The following MARK3 variants were observed in gnomAD, a reference collection of about 807,000 sequenced individuals.
MARK3 encodes the protein MAP/microtubule affinity-regulating kinase 3.
A neutral mutation model predicts 90.1 loss-of-function variants in MARK3; 46 were observed. That is an observed-to-expected ratio of 0.51 (90% confidence interval 0.40 to 0.65). The LOEUF (loss-of-function observed/expected upper bound fraction) is 0.65. Ranked by LOEUF, MARK3 falls within the 30% of genes least tolerant of loss-of-function variation. The pLI, the probability that MARK3 is intolerant of heterozygous loss-of-function variation, is 0.00. For missense variants in MARK3, 818 were observed against 947.2 expected (o/e 0.86, Z 1.79); for synonymous variants, 321 against 332.6 (o/e 0.97, Z 0.38).
At chr14:103,457,881 C>T (rs1219584678) in intron 6 of MARK3, among the ~76,000 whole-genome samples, 2 of 152,148 alleles carry the variant, frequency 1.3e-5, no homozygotes, top group Non-Finnish European at 2.9e-5. Context: ...ATAACTTGCC[C>T]AGAATTGCCT....
Position 103,386,044 on chromosome 14 carries a change from C to T in MARK3, c.15C>T (p.Thr5=), listed in dbSNP as rs778402930. The part of the protein sequence containing the change: MSTR[T]PLPTVNERDT... ...AGTGCAGTAAAATGTCCACTAGGAC[C>T]CCATTGCCAACGGTGAATGAACGAG... Residue 5 remains threonine, a synonymous_variant, in exon 1 of 18, where the codon ACC becomes ACT. Coordinates refer to ENST00000429436, the MANE Select transcript of MARK3 (RefSeq NM_001128918.3). 1.4e-5 allele frequency: 23 copies of T among 1,613,998 alleles called. No individual in the cohort carries two copies. The highest frequency in any genetic ancestry group is 4.0e-5 in the African/African-American group (3 of 74,942).
intron 2 of MARK3, among the ~76,000 whole-genome samples, chr14:103,410,073 A>C (rs1387324375): frequency 6.6e-6 from 1 of 152,226 alleles, no homozygotes; most frequent in Non-Finnish European, 1.5e-5. Context: ...ATTTTCGTAC[A>C]TGCTTCTACA....
chr14:103,471,937 G>A (rs919215533), intron 12 of MARK3, among the ~76,000 whole-genome samples: 5 of 152,184 alleles, frequency 3.3e-5, no homozygotes, highest in African/African-American at 4.8e-5. Flanking sequence ...AGGGCTGGGC[G>A]CAGTGGCTCA....
At chr14:103,387,901 T>G (rs182088647) in intron 1 of MARK3, among the ~76,000 whole-genome samples, 8 of 152,152 alleles carry the variant, frequency 5.3e-5, no homozygotes, top group Non-Finnish European at 2.9e-5. Flanking sequence ...ATAGCAGATT[T>G]GTGATAATGA....
intron 3 of MARK3, among the ~76,000 whole-genome samples, chr14:103,441,830 TA>T (rs2092864601): frequency 7.3e-6 from 1 of 137,700 alleles, no homozygotes; most frequent in African/African-American, 2.7e-5. Flanking sequence ...CAGAAGTGGT[TA>T]TTCTGGTTCA....
chr14:103,454,885 TC>T (rs1387496071), intron 5 of MARK3, among the ~76,000 whole-genome samples: 1 of 152,206 alleles, frequency 6.6e-6, no homozygotes, highest in Non-Finnish European at 1.5e-5. Context: ...TGTCCTTCCA[TC>T]CAGCCACCTG....
intron 15 of MARK3, among the ~76,000 whole-genome samples, chr14:103,493,514 T>C (rs1365044578): frequency 6.6e-6 from 1 of 152,040 alleles, no homozygotes; most frequent in East Asian, 1.9e-4. Flanking sequence ...GGACACCCAT[T>C]CATGACCAGC....
intron 2 of MARK3, among the ~76,000 whole-genome samples, chr14:103,416,938 G>C (rs1327087311): frequency 1.3e-5 from 2 of 152,178 alleles, no homozygotes; most frequent in African/African-American, 4.8e-5. Flanking sequence ...CTACGATGAG[G>C]AGATGTATTA....
chr14:103,433,940 A>G (rs955329216), intron 3 of MARK3, among the ~76,000 whole-genome samples: 2 of 152,138 alleles, frequency 1.3e-5, no homozygotes, highest in Admixed American at 6.6e-5. Context: ...TAAGAGTGTA[A>G]CCAAAACCTA....
At chr14:103,412,182 G>GT in intron 2 of MARK3, 1 of 1,357,426 alleles carries the variant, frequency 7.4e-7, no homozygotes, top group Non-Finnish European at 1.0e-6. Flanking sequence ...CATTCTGCCA[G>GT]TTTTTTCTCG....
intron 2 of MARK3, chr14:103,412,799 G>T: frequency 2.4e-6 from 1 of 411,874 alleles, no homozygotes; most frequent in Non-Finnish European, 4.6e-6. Flanking sequence ...AGAGGGTTTA[G>T]TTGGTTTTAT....
At chr14:103,479,812 G>T (rs570445956) in intron 13 of MARK3, among the ~76,000 whole-genome samples, 9 of 151,802 alleles carry the variant, frequency 5.9e-5, no homozygotes, top group Non-Finnish European at 7.4e-5. Flanking sequence ...AGCTAATTTT[G>T]TATTTTTAGC....
intron 2 of MARK3, among the ~76,000 whole-genome samples, chr14:103,413,790 G>A (rs1273137806): frequency 6.6e-6 from 1 of 151,946 alleles, no homozygotes; most frequent in Non-Finnish European, 1.5e-5. Context: ...CAAATAAAAT[G>A]GGATCATATG....
rs558616048 is a variant in MARK3 at position 103,492,118 on chromosome 14, A to G, written c.1844+84A>G. 6.8e-6 allele frequency: 10 copies of G among 1,478,040 alleles called. No homozygotes were observed. In the Admixed American group the frequency reaches 2.1e-4, roughly 31 times the overall value. The allele number at this position is 1,478,040 out of a possible 1,614,324, so 91.6% of individuals were successfully genotyped here. The stretch of plus-strand genomic sequence containing the variant: ...TTTTTTGTTGTGTGAAGCCACTGCT[A>G]CCTGGATGCTTTTCAGTCTGCCTTC... On this transcript the variant is annotated intron_variant, in intron 15 of 17. Coordinates refer to ENST00000429436, the MANE Select transcript of MARK3 (RefSeq NM_001128918.3).
intron 6 of MARK3, among the ~76,000 whole-genome samples, chr14:103,461,681 A>G (rs568112510): frequency 6.6e-6 from 1 of 152,222 alleles, no homozygotes; most frequent in East Asian, 1.9e-4. Context: ...CTGGATTAAC[A>G]CCTGGGTATG....
Position 103,502,976 on chromosome 14 carries a change from G to A in MARK3, c.2011G>A (p.Asp671Asn), listed in dbSNP as rs770238234. ...GAGCATGAAAACCACTAGTTCAATG[G>A]ATCCCGGGGACATGATGCGGGAAAT... ...TWSMKTTSSM[D>N]PGDMMREIRK... is the part of the protein sequence containing the mutation. Residue 671 changes from aspartate to asparagine, a missense_variant, in exon 18 of 18, where the codon GAT (aspartate) becomes AAT (asparagine). Asp to Asn is a conservative substitution (Grantham distance 23, BLOSUM62 1). This residue lies in a region of MARK3 where 560 missense variants were observed against 613.5 expected (regional missense o/e 0.91). Coordinates refer to ENST00000429436, the MANE Select transcript of MARK3 (RefSeq NM_001128918.3). 1 of 1,614,252 alleles carries A rather than the reference G, an allele frequency of 6.2e-7. No homozygotes were observed. The highest frequency in any genetic ancestry group is 8.5e-7 in the Non-Finnish European group (1 of 1,180,052).
intron 5 of MARK3, among the ~76,000 whole-genome samples, chr14:103,452,611 A>G (rs1167018724): frequency 2.0e-5 from 3 of 150,320 alleles, no homozygotes; most frequent in Non-Finnish European, 4.4e-5. Context: ...AGCTGGGACT[A>G]CAGGCGCCCG....
chr14:103,502,429 C>T (rs2075722177), intron 17 of MARK3, among the ~76,000 whole-genome samples: 1 of 152,162 alleles, frequency 6.6e-6, no homozygotes, highest in Non-Finnish European at 1.5e-5. Flanking sequence ...CTCCAGTTAC[C>T]CTGAGTGCCA....
chr14:103,403,035 CT>C (rs1166586451), intron 1 of MARK3, among the ~76,000 whole-genome samples: 2 of 150,964 alleles, frequency 1.3e-5, no homozygotes, highest in Non-Finnish European at 1.5e-5. Flanking sequence ...TCCCCCTCCC[CT>C]GGCCCCCCAC....
Sources: gnomAD v4.1 joint callset for allele counts (sites outside exome capture counted in the v4.1 genomes callset) on GRCh38, gnomAD v4.1.1 for gene constraint, gnomAD v4.1.1 regional missense constraint, MANE v1.5 for transcripts, NCBI Gene and HGNC (gene_info 2026-07-23, HGNC 2026-07-21) for gene names.